Variants in AFDN observed in about 807,000 individuals in gnomAD.
AFDN encodes the protein afadin, adherens junction formation factor, also known as afadin.
A neutral mutation model predicts 216.6 loss-of-function variants in AFDN; 68 were observed. The ratio of observed to expected loss-of-function variants is 0.31; its 90% confidence interval spans 0.26 to 0.38. AFDN has a LOEUF of 0.38. Among genes scored for constraint, AFDN ranks in the 10% least tolerant of loss-of-function variants. AFDN has a pLI of 1.00. For missense variants in AFDN, 2,136 were observed against 2,342.0 expected (o/e 0.91, Z 1.82); for synonymous variants, 868 against 853.7 (o/e 1.02, Z -0.29).
At chr6:167,857,422 C>G (rs1159603750) in intron 1 of AFDN, among the ~76,000 whole-genome samples, 3 of 152,006 alleles carry the variant, frequency 2.0e-5, no homozygotes, top group Admixed American at 2.0e-4. Flanking sequence ...TACTCAAAGA[C>G]TGTTTAACAG....
intron 3 of AFDN, among the ~76,000 whole-genome samples, chr6:167,871,913 C>G (rs1784841720): frequency 6.6e-6 from 1 of 152,170 alleles, no homozygotes; most frequent in South Asian, 2.1e-4. Context: ...CCCCAGTTTT[C>G]TAACTGGCTT....
At chr6:167,863,946 C>G in intron 1 of AFDN, 1 of 352,144 alleles carries the variant, frequency 2.8e-6, no homozygotes, top group South Asian at 2.3e-5. Context: ...CAATTTTGCA[C>G]CAACATAATA....
intron 1 of AFDN, among the ~76,000 whole-genome samples, chr6:167,843,830 G>C (rs573482822): frequency 6.6e-6 from 1 of 152,138 alleles, no homozygotes; most frequent in Non-Finnish European, 1.5e-5. Flanking sequence ...ACTATAATCT[G>C]CTCATATAAT....
At position 167,951,794 on chromosome 6, in the gene AFDN, A is replaced by G; in HGVS notation, c.4440A>G (p.Pro1480=). ...KPEKPSTLQR[P]QETVIRELQP... ...AAAAGCCTTCCACACTCCAGCGGCC[A>G]CAGGAAACAGTCATTCGGGAGCTGC... The change falls in exon 30 of 34, where the codon CCA becomes CCG. Residue 1480 remains proline, a synonymous_variant. Transcript: ENST00000683244. The surrounding 1 kb of genome is among the most constrained non-coding windows in gnomAD (Gnocchi z 7.1). 6.2e-7 allele frequency: 1 copy of G among 1,614,154 alleles called. No homozygotes were observed. The highest frequency in any genetic ancestry group is 8.5e-7 in the Non-Finnish European group (1 of 1,180,036).
At chr6:167,899,023 C>T (rs1788620512) in intron 11 of AFDN, among the ~76,000 whole-genome samples, 1 of 151,972 alleles carries the variant, frequency 6.6e-6, no homozygotes, top group South Asian at 2.1e-4. Context: ...CCTGTTAAGC[C>T]ACTTCATTGT....
intron 2 of AFDN, among the ~76,000 whole-genome samples, chr6:167,868,780 T>TTTTTTTTA (rs71004176): frequency 6.7e-6 from 1 of 150,098 alleles, no homozygotes. Flanking sequence ...TTTTTTTTTT[T>TTTTTTTTA]GAGACAGGGT....
intron 22 of AFDN, 88 bp from the exon 23 acceptor site, chr6:167,924,917 A>T: frequency 2.1e-6 from 2 of 932,036 alleles, no homozygotes; most frequent in Non-Finnish European, 3.6e-6. Flanking sequence ...TGCTCCAGTG[A>T]ACATGATTGA....
At chr6:167,916,718 G>A (rs1229671822) in intron 19 of AFDN, among the ~76,000 whole-genome samples, 9 of 151,740 alleles carry the variant, frequency 5.9e-5, no homozygotes, top group South Asian at 4.2e-4. Flanking sequence ...ATTTAGTATA[G>A]AGGCTAGACA....
intron 6 of AFDN, among the ~76,000 whole-genome samples, chr6:167,881,775 G>A (rs753951566): frequency 3.3e-5 from 5 of 152,318 alleles, no homozygotes; most frequent in African/African-American, 4.8e-5. Flanking sequence ...GGTCTTCACT[G>A]AAAACAGGAG....
At chr6:167,964,208 A>G in intron 31 of AFDN, 9 of 1,063,910 alleles carry the variant, frequency 8.5e-6, no homozygotes, top group Non-Finnish European at 1.0e-5. Context: ...CTATTTTTAT[A>G]TCAGAATGTC....
rs758050895 is a variant in AFDN, at chr6:167,898,258, A to T, written c.1371A>T (p.Gly457=). 1 of 1,614,088 alleles carries T rather than the reference A, an allele frequency of 6.2e-7. No homozygotes were observed. Among genetic ancestry groups the T allele is most frequent in the Non-Finnish European group, 8.5e-7 (1 of 1,179,986 alleles). ...PHHCDLTNMD[G]VVTVTPRSMD... ...ACTGTGACCTTACCAACATGGATGG[A>T]GTGGTCACTGTGACGCCCAGAAGTA... The change falls in exon 11 of 34, where the codon GGA becomes GGT. Residue 457 remains glycine, a synonymous_variant. Coordinates refer to ENST00000683244, the MANE Select transcript of AFDN (RefSeq NM_001386888.1).
At chr6:167,883,975 C>G (rs937678255) in intron 6 of AFDN, among the ~76,000 whole-genome samples, 1 of 152,184 alleles carries the variant, frequency 6.6e-6, no homozygotes, top group African/African-American at 2.4e-5. Context: ...CCTCCCAACC[C>G]CTGCCACTGC....
intron 30 of AFDN, among the ~76,000 whole-genome samples, chr6:167,958,530 G>A (rs1295271323): frequency 2.6e-5 from 4 of 152,164 alleles, no homozygotes; most frequent in African/African-American, 9.7e-5. Context: ...TTGTTAACAC[G>A]TTTTAATGGA....
At chr6:167,926,652 G>A (rs538456457) in intron 23 of AFDN, among the ~76,000 whole-genome samples, 6 of 152,302 alleles carry the variant, frequency 3.9e-5, no homozygotes, top group Admixed American at 1.3e-4. Flanking sequence ...GGCTGATCTC[G>A]ATCAAACTCC....
chr6:167,923,817 G>A (rs1172974011), intron 22 of AFDN, among the ~76,000 whole-genome samples: 1 of 151,778 alleles, frequency 6.6e-6, no homozygotes, highest in Non-Finnish European at 1.5e-5. Context: ...TAGAGACGGG[G>A]ATTCACCATG....
At chr6:167,949,401 A>C (rs566729563) in intron 29 of AFDN, among the ~76,000 whole-genome samples, 1 of 152,208 alleles carries the variant, frequency 6.6e-6, no homozygotes, top group South Asian at 2.1e-4. Flanking sequence ...AGAGGATTGC[A>C]CTGAGGAGAT....
intron 6 of AFDN, among the ~76,000 whole-genome samples, chr6:167,883,107 G>A (rs1364380324): frequency 1.3e-5 from 2 of 151,948 alleles, no homozygotes; most frequent in African/African-American, 4.8e-5. Context: ...TGATGGAGTA[G>A]GCCAAGAAAG....
At chr6:167,947,044 A>C in intron 27 of AFDN, 143 bp downstream of exon 27, 2 of 689,200 alleles carry the variant, frequency 2.9e-6, no homozygotes, top group Non-Finnish European at 4.6e-6. Flanking sequence ...AAGGGATATC[A>C]TAAGTAACAT....
intron 1 of AFDN, among the ~76,000 whole-genome samples, chr6:167,861,325 G>A (rs1446722005): frequency 6.6e-6 from 1 of 152,148 alleles, no homozygotes; most frequent in Non-Finnish European, 1.5e-5. Flanking sequence ...AACATGTAGT[G>A]CAAATGAAAT....
Sources: gnomAD v4.1 joint callset for allele counts (sites outside exome capture counted in the v4.1 genomes callset) on GRCh38, gnomAD v4.1.1 for gene constraint, Gnocchi (gnomAD v3.1) non-coding constraint, MANE v1.5 for transcripts, NCBI Gene and HGNC (gene_info 2026-07-23, HGNC 2026-07-21) for gene names.